Variants in RABGAP1L observed in about 807,000 individuals in gnomAD.
RABGAP1L encodes the protein rab GTPase-activating protein 1-like.
A neutral mutation model predicts 137.7 loss-of-function variants in RABGAP1L; 63 were observed. The observed-to-expected ratio is 0.46, with a 90% CI of 0.37 to 0.56. The LOEUF (loss-of-function observed/expected upper bound fraction) is 0.56. RABGAP1L is among the 20% of genes least tolerant of loss of function. RABGAP1L has a pLI of 0.00. For missense variants in RABGAP1L, 1,095 were observed against 1,244.0 expected (o/e 0.88, Z 1.80); for synonymous variants, 431 against 433.7 (o/e 0.99, Z 0.08).
intron 1 of RABGAP1L, among the ~76,000 whole-genome samples, chr1:174,195,802 T>C (rs535603073): frequency 3.6e-4 from 44 of 122,266 alleles, no homozygotes; most frequent in African/African-American, 1.0e-3. Flanking sequence ...TCTTTCTTTC[T>C]TTCTTTCTAT....
At chr1:174,805,488 C>T (rs1689203449) in intron 18 of RABGAP1L, among the ~76,000 whole-genome samples, 1 of 152,022 alleles carries the variant, frequency 6.6e-6, no homozygotes, top group African/African-American at 2.4e-5. Context: ...AAAAAGTTAT[C>T]CTTTATTAGT....
At chr1:174,474,045 G>T (rs1210467422) in intron 13 of RABGAP1L, among the ~76,000 whole-genome samples, 13 of 152,178 alleles carry the variant, frequency 8.5e-5, no homozygotes, top group Middle Eastern at 3.4e-3. Flanking sequence ...ATAAATGTTT[G>T]TGTTGTCTCC....
At chr1:174,630,467 GT>G (rs1304891596) in intron 13 of RABGAP1L, among the ~76,000 whole-genome samples, 2 of 95,338 alleles carry the variant, frequency 2.1e-5, no homozygotes, top group Non-Finnish European at 4.0e-5. Context: ...AGAAGGAATG[GT>G]ACCAGTTCCT....
chr1:174,511,876 C>T (rs1369763120), intron 13 of RABGAP1L, among the ~76,000 whole-genome samples: 1 of 152,128 alleles, frequency 6.6e-6, no homozygotes, highest in African/African-American at 2.4e-5. Flanking sequence ...ACCTCGGCCT[C>T]CCAAAGTGCT....
chr1:174,652,070 T>G (rs1299522641), intron 14 of RABGAP1L, among the ~76,000 whole-genome samples: 1 of 152,176 alleles, frequency 6.6e-6, no homozygotes, highest in African/African-American at 2.4e-5. Flanking sequence ...GTCTGTAAAG[T>G]ATTTTATTTC....
intron 13 of RABGAP1L, among the ~76,000 whole-genome samples, chr1:174,428,615 A>C (rs1270108998): frequency 6.6e-6 from 1 of 152,180 alleles, no homozygotes; most frequent in African/African-American, 2.4e-5. Flanking sequence ...AATCGTTATT[A>C]AGAGATATTT....
chr1:174,623,623 A>G (rs1421620825), intron 13 of RABGAP1L, among the ~76,000 whole-genome samples: 2 of 152,204 alleles, frequency 1.3e-5, no homozygotes, highest in Non-Finnish European at 2.9e-5. Context: ...ATACACGTGG[A>G]GTACTGCCAG....
At chr1:174,195,798 T>TTTCTTTCTATCC (rs1667627661) in intron 1 of RABGAP1L, among the ~76,000 whole-genome samples, 2 of 128,606 alleles carry the variant, frequency 1.6e-5, no homozygotes, top group Admixed American at 8.7e-5. Context: ...TCTTTCTTTC[T>TTTCTTTCTATCC]TTCTTTCTTT....
chr1:174,840,641 A>G (rs1395321900), intron 19 of RABGAP1L, among the ~76,000 whole-genome samples: 4 of 150,998 alleles, frequency 2.6e-5, no homozygotes, highest in Non-Finnish European at 4.4e-5. Context: ...ATACAAAAAA[A>G]AAAAAACAAA....
At chr1:174,905,743 C>T (rs530444146) in intron 19 of RABGAP1L, among the ~76,000 whole-genome samples, 21 of 152,134 alleles carry the variant, frequency 1.4e-4, no homozygotes, top group African/African-American at 4.1e-4. Context: ...CCCAGCTACT[C>T]AGGAGGCTGA....
chr1:174,578,703 G>A (rs890919808), intron 13 of RABGAP1L, among the ~76,000 whole-genome samples: 2 of 152,038 alleles, frequency 1.3e-5, no homozygotes, highest in African/African-American at 4.8e-5. Context: ...GTAGTGGAAT[G>A]GAAATACATA....
At chr1:174,814,004 G>A (rs1690132705) in intron 19 of RABGAP1L, among the ~76,000 whole-genome samples, 1 of 152,104 alleles carries the variant, frequency 6.6e-6, no homozygotes, top group Non-Finnish European at 1.5e-5. Context: ...AAGTCACTGA[G>A]GACAAAAGAA....
intron 19 of RABGAP1L, among the ~76,000 whole-genome samples, chr1:174,953,069 A>T (rs1667981057): frequency 6.6e-6 from 1 of 151,794 alleles, no homozygotes; most frequent in African/African-American, 2.4e-5. Context: ...ATGCATGTGA[A>T]ATTCAAATAT....
At chr1:174,964,887 ATATTT>A (rs1669478316) in intron 20 of RABGAP1L, 1 of 1,462,014 alleles carries the variant, frequency 6.8e-7, no homozygotes, top group Non-Finnish European at 9.1e-7. Context: ...CATTTCATAA[ATATTT>A]TAGTAGGTGT....
chr1:174,874,566 C>T, intron 19 of RABGAP1L: 1 of 752,022 alleles, frequency 1.3e-6, no homozygotes, highest in Non-Finnish European at 1.6e-6. Flanking sequence ...AGGTAATTCT[C>T]CACACCACTG....
intron 17 of RABGAP1L, among the ~76,000 whole-genome samples, chr1:174,725,055 G>A (rs1681875218): frequency 6.6e-6 from 1 of 152,096 alleles, no homozygotes; most frequent in Non-Finnish European, 1.5e-5. Flanking sequence ...GGAGGACATG[G>A]GATTTCATTC....
chr1:174,475,990 A>G (rs1658468979), intron 13 of RABGAP1L, among the ~76,000 whole-genome samples: 1 of 152,034 alleles, frequency 6.6e-6, no homozygotes, highest in South Asian at 2.1e-4. Flanking sequence ...TTCTAAGTTG[A>G]AGTTGAAAGA....
chr1:174,585,956 G>T (rs1433365181), intron 13 of RABGAP1L, among the ~76,000 whole-genome samples: 2 of 152,188 alleles, frequency 1.3e-5, no homozygotes, highest in African/African-American at 4.8e-5. Context: ...CATTGTGGAA[G>T]ACAGTGTGGT....
chr1:174,675,676 G>T (rs115284584), intron 14 of RABGAP1L, among the ~76,000 whole-genome samples: 3,217 of 152,128 alleles, frequency 0.021, 53 homozygotes, highest in Middle Eastern at 0.085. Context: ...AAATTACCTT[G>T]GGTTTTTAAT....
Sources: allele counts gnomAD v4.1 joint callset (sites outside exome capture counted in the v4.1 genomes callset), GRCh38; gene constraint gnomAD v4.1.1; transcripts MANE v1.5; gene names NCBI Gene and HGNC (gene_info 2026-07-23, HGNC 2026-07-21).